Variants in TCF12 observed in about 807,000 individuals in gnomAD.
TCF12 encodes the protein transcription factor 12.
Under a neutral mutation model 86.0 loss-of-function variants are expected in TCF12, and 45 were observed. The observed-to-expected ratio is 0.52, with a 90% CI of 0.41 to 0.67. The LOEUF (loss-of-function observed/expected upper bound fraction) is 0.67, where lower values mean the gene tolerates loss of function less well. Among genes scored for constraint, TCF12 ranks in the 30% least tolerant of loss-of-function variants. The pLI, the probability that TCF12 is intolerant of heterozygous loss-of-function variation, is 0.00. For synonymous variants in TCF12, 330 were observed against 299.6 expected (o/e 1.10, Z -1.05); for missense variants, 881 against 859.9 (o/e 1.02, Z -0.31).
chr15:57,006,565 G>A (rs1406108803), intron 3 of TCF12, among the ~76,000 whole-genome samples: 2 of 152,102 alleles, frequency 1.3e-5, no homozygotes, highest in Non-Finnish European at 2.9e-5. Flanking sequence ...GGTCGAGGCA[G>A]GTAGATTACT....
intron 3 of TCF12, among the ~76,000 whole-genome samples, chr15:57,055,764 A>T (rs1369002719): frequency 6.6e-6 from 1 of 152,068 alleles, no homozygotes; most frequent in Non-Finnish European, 1.5e-5. Flanking sequence ...TGTTGTGTCT[A>T]TGTATGGTTT....
chr15:56,920,614 G>T (rs916550802), intron 2 of TCF12, among the ~76,000 whole-genome samples: 3 of 151,902 alleles, frequency 2.0e-5, no homozygotes, highest in African/African-American at 7.3e-5. Flanking sequence ...CTGCTGTTAG[G>T]AGGCAGCACC....
rs1192677891 is a variant in TCF12, at chr15:57,286,823, G to A, written c.*678G>A. ...ATTTATTTTTATTTTCTCTTTGTGG[G>A]TGTTATATTTGATCTCTAAATCTGA... On this transcript the variant is annotated 3_prime_UTR_variant, in exon 21 of 21. Coordinates refer to ENST00000333725, the MANE Select transcript of TCF12 (RefSeq NM_207037.2). 1.1e-5 allele frequency: 4 copies of A among 375,670 alleles called. No individual in the cohort carries two copies. Among genetic ancestry groups the A allele is most frequent in the Admixed American group, 3.4e-5 (1 of 29,008 alleles). The allele number at this position is 375,670 out of a possible 1,614,324, so 23.3% of individuals were successfully genotyped here. A position where few individuals can be genotyped will look rare whatever the true frequency, so the allele number is the denominator to read the frequency against.
At chr15:57,238,482 A>G (rs900474718) in intron 12 of TCF12, among the ~76,000 whole-genome samples, 6 of 152,212 alleles carry the variant, frequency 3.9e-5, no homozygotes, top group Non-Finnish European at 8.8e-5. Context: ...ACTAATTCCC[A>G]GAAATAGTGA....
chr15:57,108,616 C>A (rs933522154), intron 5 of TCF12, among the ~76,000 whole-genome samples: 2 of 151,238 alleles, frequency 1.3e-5, no homozygotes, highest in African/African-American at 4.9e-5. Flanking sequence ...GGGTGTTAGG[C>A]AAACAATTCC....
chr15:56,971,383 C>T (rs188124372), intron 3 of TCF12, among the ~76,000 whole-genome samples: 1 of 151,864 alleles, frequency 6.6e-6, no homozygotes, highest in Non-Finnish European at 1.5e-5. Flanking sequence ...GCCGAGATCA[C>T]GCCACTGGAC....
At chr15:56,996,441 A>G (rs552923251) in intron 3 of TCF12, among the ~76,000 whole-genome samples, 2 of 152,316 alleles carry the variant, frequency 1.3e-5, no homozygotes, top group East Asian at 1.9e-4. Context: ...CTGGCTATCC[A>G]TATGTAGAAG....
intron 4 of TCF12, among the ~76,000 whole-genome samples, chr15:57,074,156 G>A (rs554430043): frequency 1.4e-4 from 21 of 152,074 alleles, no homozygotes; most frequent in Middle Eastern, 3.2e-3. Flanking sequence ...AGACAGGTTT[G>A]CTTCTAGTTT....
chr15:57,013,732 C>G (rs926790398), intron 3 of TCF12, among the ~76,000 whole-genome samples: 5 of 152,104 alleles, frequency 3.3e-5, no homozygotes, highest in African/African-American at 1.2e-4. Flanking sequence ...TAGAGAAGTT[C>G]ATTAGACTTC....
chr15:57,222,227 G>GTTT (rs200716679), intron 8 of TCF12, among the ~76,000 whole-genome samples: 4 of 143,858 alleles, frequency 2.8e-5, no homozygotes, highest in Non-Finnish European at 3.1e-5. Flanking sequence ...CTTTTTTCCA[G>GTTT]TTTTTTTTTT....
rs544226647 is a variant in TCF12, at chr15:56,997,244, T to C, written c.149-66506T>C. On this transcript the variant is annotated intron_variant, in intron 3 of 20. Transcript: ENST00000333725. ...AACACATGTGCCTATCAGTGGTGGA[T>C]TGGGTAGAGAAAATGTGGTACACAT... 8.5e-5 allele frequency among the ~76,000 whole-genome samples: 13 copies of C among 152,230 alleles called. No homozygotes were observed. The South Asian group carries it at 2.7e-3, about 32-fold the overall frequency.
chr15:57,182,198 A>G (rs1203019886), intron 6 of TCF12, among the ~76,000 whole-genome samples: 1 of 152,184 alleles, frequency 6.6e-6, no homozygotes, highest in African/African-American at 2.4e-5. Context: ...GAAGACAGAA[A>G]AATCAATAAT....
At chr15:56,950,582 T>C (rs2061220943) in intron 3 of TCF12, among the ~76,000 whole-genome samples, 1 of 152,132 alleles carries the variant, frequency 6.6e-6, no homozygotes, top group Non-Finnish European at 1.5e-5. Flanking sequence ...TTTGTCTGGC[T>C]TAAATCGGCA....
At chr15:57,028,579 G>T (rs1034096952) in intron 3 of TCF12, among the ~76,000 whole-genome samples, 6 of 152,022 alleles carry the variant, frequency 3.9e-5, no homozygotes, top group African/African-American at 7.2e-5. Flanking sequence ...CATAATTTTG[G>T]ATATAAAATC....
At chr15:57,247,869 T>TGC in intron 13 of TCF12, 4 of 760,334 alleles carry the variant, frequency 5.3e-6, no homozygotes, top group Non-Finnish European at 2.4e-6. Context: ...TCTGTGAGTG[T>TGC]GCCCCATTTC....
intron 16 of TCF12, among the ~76,000 whole-genome samples, chr15:57,259,932 C>T (rs2060513483): frequency 6.6e-6 from 1 of 152,122 alleles, no homozygotes; most frequent in African/African-American, 2.4e-5. Flanking sequence ...GTCAAATTCT[C>T]CAGAAAATAT....
downstream of TCF12, among the ~76,000 whole-genome samples, chr15:57,290,268 G>A (rs910258968): frequency 1.3e-5 from 2 of 151,720 alleles, no homozygotes; most frequent in Non-Finnish European, 2.9e-5. Context: ...ACTTGAACCC[G>A]GGAGGTGGAG....
At chr15:57,184,033 G>A (rs2056519218) in intron 6 of TCF12, among the ~76,000 whole-genome samples, 1 of 151,798 alleles carries the variant, frequency 6.6e-6, no homozygotes, top group African/African-American at 2.4e-5. Context: ...TAATTCACTG[G>A]CTAACTTTTA....
intron 8 of TCF12, among the ~76,000 whole-genome samples, chr15:57,213,311 T>C (rs1415792657): frequency 6.6e-6 from 1 of 152,230 alleles, no homozygotes; most frequent in East Asian, 1.9e-4. Context: ...TTTCATAAAT[T>C]CAAGATCTGT....
Sources: allele counts gnomAD v4.1 joint callset (sites outside exome capture counted in the v4.1 genomes callset), GRCh38; gene constraint gnomAD v4.1.1; transcripts MANE v1.5; gene names NCBI Gene and HGNC (gene_info 2026-07-23, HGNC 2026-07-21).